CACNA2D2: variants seen among roughly 807,000 people sequenced by gnomAD.
The protein encoded by CACNA2D2 is calcium voltage-gated channel auxiliary subunit alpha2delta 2, also known as voltage-dependent calcium channel subunit alpha-2/delta-2.
Under a neutral mutation model 166.4 loss-of-function variants are expected in CACNA2D2, and 48 were observed. The observed-to-expected ratio is 0.29, with a 90% CI of 0.23 to 0.37. The LOEUF (loss-of-function observed/expected upper bound fraction) is 0.37, where lower values mean the gene tolerates loss of function less well. Ranked by LOEUF, CACNA2D2 falls within the 10% of genes least tolerant of loss-of-function variation. The pLI, the probability that CACNA2D2 is intolerant of heterozygous loss-of-function variation, is 1.00. For synonymous variants in CACNA2D2, 561 were observed against 573.7 expected (o/e 0.98, Z 0.32); for missense variants, 1,122 against 1,433.0 (o/e 0.78, Z 3.50).
intron 1 of CACNA2D2, among the ~76,000 whole-genome samples, chr3:50,497,769 T>A (rs967726867): frequency 7.2e-5 from 11 of 152,152 alleles, no homozygotes; most frequent in African/African-American, 2.7e-4. Flanking sequence ...GCCCCCCTTC[T>A]GCCCTTAGCC....
At chr3:50,441,233 A>G (rs1708583501) in intron 2 of CACNA2D2, among the ~76,000 whole-genome samples, 1 of 152,044 alleles carries the variant, frequency 6.6e-6, no homozygotes, top group Non-Finnish European at 1.5e-5. Context: ...TTTCACCAGC[A>G]AGATTACCTT....
At chr3:50,410,137 CTGGGGGTCAGTGT>C (rs1706926997) in intron 3 of CACNA2D2, among the ~76,000 whole-genome samples, 2 of 152,342 alleles carry the variant, frequency 1.3e-5, no homozygotes, top group Non-Finnish European at 2.9e-5. Flanking sequence ...GGGGACACTG[CTGGGGGTCAGTGT>C]TGAGCCCAGT....
intron 3 of CACNA2D2, among the ~76,000 whole-genome samples, chr3:50,423,593 C>CCCTAGGCAT (rs1707671833): frequency 1.3e-5 from 2 of 152,228 alleles, no homozygotes; most frequent in Admixed American, 6.5e-5. Flanking sequence ...AGGGGCTGGA[C>CCCTAGGCAT]CCTAGGCATC....
intron 5 of CACNA2D2, among the ~76,000 whole-genome samples, chr3:50,386,022 T>A (rs780521659): frequency 6.6e-6 from 1 of 151,698 alleles, no homozygotes; most frequent in African/African-American, 2.4e-5. Context: ...TAGAAAGATA[T>A]CTAACTGTAC....
Position 50,398,624 on chromosome 3 carries a change from T to C in CACNA2D2, c.406-4456A>G, listed in dbSNP as rs74794328. ...GTTTAACCTCTCAGAGTCTATTTTC[T>C]TCAGCACATCCTGGGGGGTAAGGGC... On this transcript the variant is annotated intron_variant, in intron 3 of 37. Transcript: ENST00000424201. Among the ~76,000 whole-genome samples, 513 of 152,272 alleles carry C rather than the reference T, an allele frequency of 3.4e-3. 4 individuals are homozygous for C. The highest frequency in any genetic ancestry group is 0.012 in the African/African-American group (486 of 41,538).
At chr3:50,434,470 C>G in intron 2 of CACNA2D2, 41 bp from the exon 3 acceptor site, 1 of 1,459,454 alleles carries the variant, frequency 6.9e-7, no homozygotes, top group Admixed American at 1.7e-5. Context: ...CAGGTGGTCC[C>G]ACGTCCTCAT....
At chr3:50,445,846 G>A (rs915678870) in intron 2 of CACNA2D2, among the ~76,000 whole-genome samples, 1 of 152,112 alleles carries the variant, frequency 6.6e-6, no homozygotes, top group Non-Finnish European at 1.5e-5. Context: ...AGTGATCTCT[G>A]AACCCAGTCC....
chr3:50,377,139 T>C (rs587635035), intron 17 of CACNA2D2, among the ~76,000 whole-genome samples: 2 of 152,364 alleles, frequency 1.3e-5, no homozygotes, highest in Admixed American at 1.3e-4. Context: ...AATATCAGTA[T>C]CCACAAATAA....
intron 22 of CACNA2D2, among the ~76,000 whole-genome samples, chr3:50,371,266 T>C (rs1209065068): frequency 6.6e-6 from 1 of 152,166 alleles, no homozygotes; most frequent in Admixed American, 6.5e-5. Context: ...AGAGAGGGCA[T>C]AGGGCTGCTG....
intron 3 of CACNA2D2, among the ~76,000 whole-genome samples, chr3:50,420,210 T>C (rs1383864851): frequency 6.6e-6 from 1 of 152,244 alleles, no homozygotes; most frequent in Non-Finnish European, 1.5e-5. Context: ...GGGGAGCTGA[T>C]GGGGCAGCAA....
chr3:50,457,476 T>C (rs540410740), intron 2 of CACNA2D2, among the ~76,000 whole-genome samples: 1 of 152,322 alleles, frequency 6.6e-6, no homozygotes, highest in Non-Finnish European at 1.5e-5. Context: ...TGCTACACCC[T>C]GCTCACCCTC....
chr3:50,460,239 CA>C (rs1362944877), intron 2 of CACNA2D2, among the ~76,000 whole-genome samples: 3 of 152,244 alleles, frequency 2.0e-5, no homozygotes, highest in African/African-American at 7.2e-5. Flanking sequence ...GACATTAGTG[CA>C]AAAACTGGTA....
intron 2 of CACNA2D2, among the ~76,000 whole-genome samples, chr3:50,454,223 G>A (rs1709245734): frequency 6.6e-6 from 1 of 152,228 alleles, no homozygotes; most frequent in African/African-American, 2.4e-5. Flanking sequence ...CACTGGGGAG[G>A]GGGCTAGGAA....
At position 50,484,607 on chromosome 3, in the gene CACNA2D2, A is replaced by T. The variant is rs901876863; in HGVS notation, c.207-8408T>A. ...GGCCTCCCACCTCCCTCCGGTCTCC[A>T]CACACACGTCACCTGCTCCGTGAAG... is the stretch of plus-strand genomic sequence containing the variant. On this transcript the variant is annotated intron_variant, in intron 1 of 37. Transcript: ENST00000424201. 3.3e-5 allele frequency among the ~76,000 whole-genome samples: 5 copies of T among 152,106 alleles called. No homozygotes were observed. In the East Asian group the frequency reaches 9.7e-4, roughly 29 times the overall value.
intron 1 of CACNA2D2, among the ~76,000 whole-genome samples, chr3:50,484,437 C>A (rs1381501275): frequency 6.6e-6 from 1 of 152,168 alleles, no homozygotes; most frequent in Non-Finnish European, 1.5e-5. Context: ...TAAGAGAAAA[C>A]CCAAGTCCAC....
intron 2 of CACNA2D2, among the ~76,000 whole-genome samples, chr3:50,461,030 G>A (rs1166546925): frequency 6.6e-6 from 1 of 152,084 alleles, no homozygotes. Context: ...AAAGAACAGA[G>A]AAATGAGAAG....
chr3:50,503,464 TGGCGGC>T lies in CACNA2D2; in HGVS notation c.-47_-42del, dbSNP rs530076217. 0.21 allele frequency: 15,419 copies of T among 74,198 alleles called. 984 individuals are homozygous for T. Among genetic ancestry groups the T allele is most frequent in the Admixed American group, 0.24 (1,666 of 6,878 alleles). 4.6% of individuals were successfully genotyped at this position (74,198 alleles called of 1,614,324 possible). ...GCGGCGCCGCGGGGAGGGGGGGCAG[TGGCGGC>T]GGCGGCGGCGGCGGCGGGGTTGGGG... On this transcript the variant is annotated 5_prime_UTR_variant, in exon 1 of 38. Transcript: ENST00000424201.
intron 22 of CACNA2D2, chr3:50,372,978 T>C: frequency 1.1e-6 from 1 of 892,404 alleles, no homozygotes; most frequent in Non-Finnish European, 1.6e-6. Flanking sequence ...GGGGTTTGGC[T>C]GGTCCTGGGC....
At chr3:50,439,476 C>T (rs989611596) in intron 2 of CACNA2D2, among the ~76,000 whole-genome samples, 1 of 152,260 alleles carries the variant, frequency 6.6e-6, no homozygotes, top group African/African-American at 2.4e-5. Context: ...ACCCAGCTCA[C>T]CTTGGGGTTT....
Sources: gnomAD v4.1 joint callset for allele counts (sites outside exome capture counted in the v4.1 genomes callset) on GRCh38, gnomAD v4.1.1 for gene constraint, MANE v1.5 for transcripts, NCBI Gene and HGNC (gene_info 2026-07-23, HGNC 2026-07-21) for gene names.